BLOC1S3: variants seen among roughly 807,000 people sequenced by gnomAD.
BLOC1S3 encodes biogenesis of lysosomal organelles complex 1 subunit 3.
In BLOC1S3, 7 loss-of-function variants were observed where a neutral mutation model predicts 9.1. That is an observed-to-expected ratio of 0.77 (90% CI 0.44 to 1.45). The LOEUF (loss-of-function observed/expected upper bound fraction) is 1.45, where lower values mean the gene tolerates loss of function less well. BLOC1S3 is among the 40% of genes most tolerant of loss of function. The pLI is 0.01. For synonymous variants in BLOC1S3, 145 were observed against 158.4 expected (o/e 0.92, Z 0.64); for missense variants, 307 against 315.2 (o/e 0.97, Z 0.20).
At chr19:45,212,216 C>T (rs901010307) in intron 3 of BLOC1S3, among the ~76,000 whole-genome samples, 1 of 152,182 alleles carries the variant, frequency 6.6e-6, no homozygotes, top group African/African-American at 2.4e-5. Context: ...CATGGGTTGG[C>T]GTCGCTCCCA....
intron 2 of BLOC1S3, among the ~76,000 whole-genome samples, chr19:45,194,544 G>A (rs979397279): frequency 3.9e-5 from 6 of 152,278 alleles, no homozygotes; most frequent in Admixed American, 3.3e-4. Flanking sequence ...TAAATTGTTT[G>A]TACCTTCAAA....
chr19:45,216,277 C>G, intron 3 of BLOC1S3: 2 of 1,531,826 alleles, frequency 1.3e-6, no homozygotes, highest in South Asian at 1.2e-5. Flanking sequence ...GTTATACCAT[C>G]TCTAAAATGT....
downstream of BLOC1S3, among the ~76,000 whole-genome samples, chr19:45,184,466 C>T (rs1969550579): frequency 2.0e-5 from 3 of 152,034 alleles, no homozygotes; most frequent in Admixed American, 6.5e-5. Context: ...ACTAGCTGAG[C>T]GTGGTGGTGT....
intron 2 of BLOC1S3, among the ~76,000 whole-genome samples, chr19:45,191,636 A>G (rs941066383): frequency 3.3e-5 from 5 of 152,232 alleles, no homozygotes. Context: ...CTGTATCTGC[A>G]TCAGGGGGCA....
intron 3 of BLOC1S3, among the ~76,000 whole-genome samples, chr19:45,208,067 T>C (rs986213546): frequency 3.3e-5 from 5 of 151,474 alleles, no homozygotes; most frequent in African/African-American, 1.2e-4. Context: ...CTCTACCTCC[T>C]GGGTTCAAGC....
intron 2 of BLOC1S3, among the ~76,000 whole-genome samples, chr19:45,192,035 G>A (rs980585710): frequency 6.6e-6 from 1 of 152,206 alleles, no homozygotes; most frequent in Non-Finnish European, 1.5e-5. Flanking sequence ...CCCATCACAG[G>A]TGCGCCCAGA....
chr19:45,180,086 C>T lies in BLOC1S3; in HGVS notation c.*181C>T. On this transcript the variant is annotated 3_prime_UTR_variant, in exon 2 of 2. Coordinates refer to ENST00000433642, the MANE Select transcript of BLOC1S3 (RefSeq NM_212550.5). The stretch of plus-strand genomic sequence containing the variant: ...TATATTGGATATAGTTCAACCCCTA[C>T]TGCGGAGACCAGGGCCCCACTATCC... 3.1e-6 allele frequency: 2 copies of T among 637,310 alleles called. No individual in the cohort carries two copies. Among genetic ancestry groups the T allele is most frequent in the Non-Finnish European group, 5.2e-6 (2 of 388,244 alleles). 39.5% of individuals were successfully genotyped at this position (637,310 alleles called of 1,614,324 possible).
At chr19:45,206,453 T>TTTTTTTTTTTTTTTTTG (rs1025082708) in intron 3 of BLOC1S3, among the ~76,000 whole-genome samples, 1 of 112,804 alleles carries the variant, frequency 8.9e-6, no homozygotes, top group East Asian at 2.4e-4. Flanking sequence ...TAATCAAGTT[T>TTTTTTTTTTTTTTTTTG]TTTTTTTTTT....
At chr19:45,189,427 CTTT>C (rs35692205) in intron 2 of BLOC1S3, among the ~76,000 whole-genome samples, 3 of 138,702 alleles carry the variant, frequency 2.2e-5, no homozygotes, top group African/African-American at 7.8e-5. Context: ...AGGTAGTCTT[CTTT>C]TTTTTTTTTT....
chr19:45,207,304 T>C (rs1006573028), intron 3 of BLOC1S3, among the ~76,000 whole-genome samples: 1 of 148,720 alleles, frequency 6.7e-6, no homozygotes, highest in African/African-American at 2.5e-5. Flanking sequence ...GACTAATTTT[T>C]GTATTTTTAG....
At chr19:45,213,300 G>A in intron 3 of BLOC1S3, 1 of 1,613,866 alleles carries the variant, frequency 6.2e-7, no homozygotes, top group Non-Finnish European at 8.5e-7. Context: ...GGATCTCCTG[G>A]CGGGCGGCTG....
At chr19:45,215,819 G>C (rs1599759654) in intron 3 of BLOC1S3, among the ~76,000 whole-genome samples, 1 of 152,144 alleles carries the variant, frequency 6.6e-6, no homozygotes. Flanking sequence ...GCAGCCCTGC[G>C]CCCCCCTGCC....
chr19:45,191,594 T>A (rs929476587), intron 2 of BLOC1S3, among the ~76,000 whole-genome samples: 3 of 152,244 alleles, frequency 2.0e-5, no homozygotes, highest in Non-Finnish European at 4.4e-5. Flanking sequence ...AAAAGACTTT[T>A]GTGTTGCGAT....
chr19:45,214,023 T>G (rs1417984141), intron 3 of BLOC1S3, among the ~76,000 whole-genome samples: 1 of 151,988 alleles, frequency 6.6e-6, no homozygotes, highest in East Asian at 1.9e-4. Flanking sequence ...TACCTCCTAA[T>G]CTCAAGCTCA....
chr19:45,188,469 C>T (rs750438835), intron 2 of BLOC1S3, among the ~76,000 whole-genome samples: 88 of 151,822 alleles, frequency 5.8e-4, no homozygotes, highest in Middle Eastern at 6.9e-3. Context: ...CCACAGCGCC[C>T]GGCTTCTTTT....
At chr19:45,189,414 T>G (rs1286221172) in intron 2 of BLOC1S3, among the ~76,000 whole-genome samples, 2 of 149,886 alleles carry the variant, frequency 1.3e-5, no homozygotes, top group African/African-American at 4.9e-5. Context: ...ATTAAAGGAC[T>G]TGAGGTAGTC....
rs752805504 is a variant in BLOC1S3 at position 45,213,325 on chromosome 19, C to T, written n.283-3351C>T. ...GCGGGCGGCTGTGTTGCGCAGGCCA[C>T]GGATGTCGAGGAGGGCTGCCACGTG... is the stretch of plus-strand genomic sequence containing the variant. On this transcript the variant is annotated intron_variant and non_coding_transcript_variant, in intron 3 of 3. Transcript: ENST00000591569. 3.7e-6 allele frequency: 6 copies of T among 1,613,552 alleles called. No homozygotes were observed. Among genetic ancestry groups the T allele is most frequent in the East Asian group, 2.2e-5 (1 of 44,826 alleles).
chr19:45,195,220 C>A (rs1444551614), intron 2 of BLOC1S3, among the ~76,000 whole-genome samples: 3 of 151,434 alleles, frequency 2.0e-5, no homozygotes, highest in African/African-American at 7.3e-5. Context: ...ATTTTTTATT[C>A]TTTTTGAGGC....
At chr19:45,207,281 C>T (rs7249570) in intron 3 of BLOC1S3, among the ~76,000 whole-genome samples, 37,090 of 150,922 alleles carry the variant, frequency 0.25, 5,189 homozygotes, top group East Asian at 0.36. Flanking sequence ...TACAGGTGCC[C>T]GACACCAAGC....
Sources: gnomAD v4.1 joint callset for allele counts (sites outside exome capture counted in the v4.1 genomes callset) on GRCh38, gnomAD v4.1.1 for gene constraint, MANE v1.5 for transcripts, NCBI Gene and HGNC (gene_info 2026-07-23, HGNC 2026-07-21) for gene names.